IQCE: variants seen among roughly 807,000 people sequenced by gnomAD.
IQCE encodes the protein IQ motif containing E, also known as IQ domain-containing protein E.
A neutral mutation model predicts 96.0 loss-of-function variants in IQCE; 115 were observed. The observed-to-expected ratio is 1.20, with a 90% confidence interval of 1.03 to 1.40. The LOEUF is 1.40. Ranked by LOEUF, IQCE falls within the 40% of genes most tolerant of loss-of-function variation. The pLI is 0.00. For missense variants in IQCE, 1,041 were observed against 909.1 expected, an observed-to-expected ratio of 1.15 and a Z score of -1.87; for synonymous variants, 412 against 371.2, an observed-to-expected ratio of 1.11 and a Z score of -1.26.
chr7:2,572,233 C>T lies in IQCE; in HGVS notation c.301C>T (p.His101Tyr), dbSNP rs11976972. The T allele has an allele frequency of 5.6e-6, 9 of 1,614,022 alleles. No homozygotes were observed. Among genetic ancestry groups the T allele is most frequent in the Non-Finnish European group, 4.2e-6 (5 of 1,179,994 alleles). ...QALNSPLTWE[H>Y]AWTGVPGGTP... ...CCTGAACTCACCCCTCACCTGGGAG[C>T]ATGCGTGGACTGGCGTCCCCGGCGG... Residue 101 changes from histidine (H) to tyrosine (Y), a missense_variant, in exon 5 of 22, where the codon CAT (histidine) becomes TAT (tyrosine). Physicochemically the swap from His to Tyr is moderately conservative, Grantham distance 83. Coordinates refer to ENST00000402050, the MANE Select transcript of IQCE (RefSeq NM_152558.5).
At chr7:2,588,886 G>A (rs1306218247) in intron 13 of IQCE, among the ~76,000 whole-genome samples, 4 of 151,536 alleles carry the variant, frequency 2.6e-5, no homozygotes, top group Middle Eastern at 3.4e-3. Flanking sequence ...GACTGGTCTC[G>A]AACTCCTGAC....
intron 15 of IQCE, among the ~76,000 whole-genome samples, chr7:2,594,416 A>C (rs1783857262): frequency 6.6e-6 from 1 of 152,222 alleles, no homozygotes; most frequent in Non-Finnish European, 1.5e-5. Flanking sequence ...TCTAAATTGC[A>C]ATGCCTTCTG....
rs28784668 is a variant in IQCE at position 2,561,952 on chromosome 7, A to C, written c.36+2735A>C. Among the ~76,000 whole-genome samples the C allele has an allele frequency of 9.6e-3, 1,462 of 152,334 alleles. 17 individuals are homozygous for C. Among genetic ancestry groups the C allele is most frequent in the African/African-American group, 0.034 (1,413 of 41,566 alleles). On this transcript the variant is annotated intron_variant, in intron 1 of 21. Coordinates refer to ENST00000402050, the MANE Select transcript of IQCE (RefSeq NM_152558.5). ...GTATAATTTGAATTGAAGTGATGAG[A>C]AAGGACAGCCTTGTCTTGCTGCTGC...
rs539542294 is a variant in IQCE at position 2,591,819 on chromosome 7, C to A, written c.1245-1203C>A. Reference sequence around the variant, plus strand: ...TATTTTTAGTAGAGATGGGGTTTCACCATGTTGGCCAGGCTGAGTCTGGAA... The same window carrying A: ...TATTTTTAGTAGAGATGGGGTTTCAACATGTTGGCCAGGCTGAGTCTGGAA... On this transcript the variant is annotated intron_variant, in intron 14 of 21. Transcript: ENST00000402050. Among the ~76,000 whole-genome samples, 19 of 152,124 alleles carry A rather than the reference C, an allele frequency of 1.2e-4. No individual in the cohort carries two copies. The South Asian group carries it at 2.5e-3, about 20-fold the overall frequency.
At position 2,612,079 on chromosome 7, in the gene IQCE, C is replaced by G. The variant is rs1180503717; in HGVS notation, c.*1917C>G. 1 of 152,214 alleles carries G rather than the reference C, an allele frequency of 6.6e-6. No homozygotes were observed. The highest frequency in any genetic ancestry group is 1.5e-5 in the Non-Finnish European group (1 of 68,060). 9.4% of individuals were successfully genotyped at this position (152,214 alleles called of 1,614,324 possible). ...ACCCTCCGTTCTCTTGTGGCAGCTGCTCCCACTTGTTAAACCAAGCTGTTT... is the reference window on the plus strand; with the variant it reads ...ACCCTCCGTTCTCTTGTGGCAGCTGGTCCCACTTGTTAAACCAAGCTGTTT... On this transcript the variant is annotated 3_prime_UTR_variant, in exon 22 of 22. Coordinates refer to ENST00000402050, the MANE Select transcript of IQCE (RefSeq NM_152558.5).
chr7:2,583,843 G>A (rs1396789389), intron 10 of IQCE, 134 bp downstream of exon 10: 1 of 96,808 alleles, frequency 1.0e-5, no homozygotes, highest in Admixed American at 1.0e-4. Flanking sequence ...CGAGCTGGGC[G>A]GCGGGGCGGA....
rs774935290 is a variant in IQCE at position 2,580,037 on chromosome 7, G to T, written c.630+1511G>T. Reference sequence around the variant, plus strand: ...GCCTCAGCCACTGCACCTGGCTGAGGTTAGTTTAAAGTAGGAATTCCAGAT... The same window carrying T: ...GCCTCAGCCACTGCACCTGGCTGAGTTTAGTTTAAAGTAGGAATTCCAGAT... On this transcript the variant is annotated intron_variant, in intron 8 of 21. Coordinates refer to ENST00000402050, the MANE Select transcript of IQCE (RefSeq NM_152558.5). The T allele has an allele frequency of 2.0e-5, 3 of 152,270 alleles. No homozygotes were observed. In the East Asian group the frequency reaches 5.8e-4, roughly 29 times the overall value. 9.4% of individuals were successfully genotyped at this position (152,270 alleles called of 1,614,324 possible).
At chr7:2,601,211 A>G (rs950387211) in intron 17 of IQCE, among the ~76,000 whole-genome samples, 1 of 152,144 alleles carries the variant, frequency 6.6e-6, no homozygotes, top group African/African-American at 2.4e-5. Flanking sequence ...AGCTTGGGCC[A>G]CCTCATGTGA....
At chr7:2,604,303 G>A (rs1784638068) in intron 18 of IQCE, among the ~76,000 whole-genome samples, 1 of 151,986 alleles carries the variant, frequency 6.6e-6, no homozygotes, top group Admixed American at 6.6e-5. Flanking sequence ...TAGAGACGAG[G>A]TCTTGCTGTG....
chr7:2,601,440 GAAAAAA>G lies in IQCE; in HGVS notation c.1611_1616del (p.Lys538_Lys539del), dbSNP rs759821884. ...TTTTTTCTTTCTTTTTTTTTTTCCA[GAAAAAA>G]AAGGCTGTTCTGGATGAGGTAAGCG... On this transcript the variant is annotated inframe_deletion and splice_region_variant, in exon 18 of 22. Transcript: ENST00000402050. 6.6e-7 allele frequency: 1 copy of G among 1,518,132 alleles called. No individual in the cohort carries two copies. The highest frequency in any genetic ancestry group is 1.4e-5 in the African/African-American group (1 of 70,140). The allele number at this position is 1,518,132 out of a possible 1,614,324, so 94.0% of individuals were successfully genotyped here. A position where few individuals can be genotyped will look rare whatever the true frequency, so the allele number is the denominator to read the frequency against.
chr7:2,568,407 A>G (rs767126354), intron 2 of IQCE, among the ~76,000 whole-genome samples: 13 of 152,090 alleles, frequency 8.5e-5, no homozygotes, highest in Non-Finnish European at 1.6e-4. Context: ...GATATGGGAC[A>G]CTCACCCCGT....
chr7:2,609,545 G>C (rs1785018635), intron 21 of IQCE, among the ~76,000 whole-genome samples: 5 of 152,246 alleles, frequency 3.3e-5, no homozygotes, highest in Admixed American at 3.3e-4. Context: ...GTGGACTCGA[G>C]GTTCCTCCAT....
rs747892795 is a variant in IQCE, at chr7:2,605,011, C to T, written c.1743+20C>T. 21 of 1,542,884 alleles carry T rather than the reference C, an allele frequency of 1.4e-5. No homozygotes were observed. The highest frequency in any genetic ancestry group is 3.3e-5 in the Admixed American group (2 of 59,730). On this transcript the variant is annotated intron_variant, in intron 19 of 21. Transcript: ENST00000402050. ...GACCAGGTAATGTCGGGGTGCTGGA[C>T]GTCCCAGTGGCCATCTGCAGAGCTG...
In IQCE at chr7:2,597,084, G is replaced by T. The variant is rs7797606; in HGVS notation, c.1441-1381G>T. ...GCGTCGGCCAGGAGGCGGCAGGGTC[G>T]TGCGGAAGACCTGGGCCAGGGCCTT... On this transcript the variant is annotated intron_variant, in intron 16 of 21. Coordinates refer to ENST00000402050, the MANE Select transcript of IQCE (RefSeq NM_152558.5). The T allele has an allele frequency of 3.8e-3, 1,776 of 471,088 alleles. 29 individuals carry two copies. The highest frequency in any genetic ancestry group is 0.032 in the African/African-American group (1,596 of 50,212). The allele number at this position is 471,088 out of a possible 1,614,324, so 29.2% of individuals were successfully genotyped here. A position where few individuals can be genotyped will look rare whatever the true frequency, so the allele number is the denominator to read the frequency against.
chr7:2,575,383 G>A (rs1047890679), intron 6 of IQCE, among the ~76,000 whole-genome samples: 3 of 152,230 alleles, frequency 2.0e-5, no homozygotes, highest in East Asian at 1.9e-4. Flanking sequence ...TGCTGATGCC[G>A]CCCTAGCTAG....
chr7:2,563,892 TCA>T (rs1781163675), intron 1 of IQCE, among the ~76,000 whole-genome samples: 1 of 45,070 alleles, frequency 2.2e-5, no homozygotes, highest in Non-Finnish European at 3.7e-5. Context: ...AGACTCCATC[TCA>T]AAAAAAAAAA....
rs114966907 is a variant in IQCE, at chr7:2,568,017, G to A, written c.84+854G>A. The stretch of plus-strand genomic sequence containing the variant: ...AGGGGAAGTGAGGAGACCTGGCCGC[G>A]GTAGCCTTATCTGCTCGGTCTAGTG... On this transcript the variant is annotated intron_variant, in intron 2 of 21. Coordinates refer to ENST00000402050, the MANE Select transcript of IQCE (RefSeq NM_152558.5). 1.0e-2 allele frequency among the ~76,000 whole-genome samples: 1,522 copies of A among 152,304 alleles called. 33 individuals are homozygous for A. The highest frequency in any genetic ancestry group is 0.034 in the Middle Eastern group (10 of 294).
At chr7:2,578,052 C>T (rs1583426563) in intron 6 of IQCE, among the ~76,000 whole-genome samples, 190 bp from the exon 7 acceptor site, 1 of 145,326 alleles carries the variant, frequency 6.9e-6, no homozygotes, top group African/African-American at 2.6e-5. Flanking sequence ...TGCGCATTGG[C>T]GTGTGCGTGG....
intron 21 of IQCE, among the ~76,000 whole-genome samples, chr7:2,609,758 T>C (rs1176183202): frequency 1.3e-5 from 2 of 151,354 alleles, no homozygotes; most frequent in African/African-American, 4.9e-5. Flanking sequence ...TGTAAGTTGG[T>C]CCTGAGGCTG....
Sources: allele counts gnomAD v4.1 joint callset (sites outside exome capture counted in the v4.1 genomes callset), GRCh38; gene constraint gnomAD v4.1.1; transcripts MANE v1.5; gene names NCBI Gene and HGNC (gene_info 2026-07-23, HGNC 2026-07-21).